The following LGR5 variants were observed in gnomAD, a reference collection of about 807,000 sequenced individuals.
LGR5 encodes leucine-rich repeat-containing G protein-coupled receptor 5.
LGR5 carries 54 observed loss-of-function variants against 76.7 expected under a neutral mutation model. The observed-to-expected ratio is 0.70, with a 90% confidence interval of 0.57 to 0.88. The LOEUF (loss-of-function observed/expected upper bound fraction) is 0.88. Among genes scored for constraint, LGR5 ranks in the 40% least tolerant of loss-of-function variants. LGR5 has a pLI of 0.00. For missense variants in LGR5, 1,078 were observed against 1,073.3 expected (o/e 1.00, Z -0.06); for synonymous variants, 406 against 421.9 (o/e 0.96, Z 0.46).
intron 1 of LGR5, among the ~76,000 whole-genome samples, chr12:71,441,306 A>G (rs1437003465): frequency 6.6e-6 from 1 of 152,202 alleles, no homozygotes; most frequent in Admixed American, 6.5e-5. Flanking sequence ...CGTGCAAAGC[A>G]TCTGGGGCTT....
intron 5 of LGR5, among the ~76,000 whole-genome samples, chr12:71,555,537 G>A (rs1055690572): frequency 1.3e-5 from 2 of 152,170 alleles, no homozygotes; most frequent in Admixed American, 1.3e-4. Flanking sequence ...CATTGCCTGT[G>A]ACTGAAATCA....
chr12:71,582,178 A>G (rs566044545), intron 16 of LGR5: 6 of 345,350 alleles, frequency 1.7e-5, no homozygotes, highest in Admixed American at 4.1e-5. Context: ...ATGTGGGGAC[A>G]TCATGAGCTG....
At chr12:71,576,893 C>T (rs1372125226) in intron 13 of LGR5, among the ~76,000 whole-genome samples, 1 of 152,100 alleles carries the variant, frequency 6.6e-6, no homozygotes, top group Non-Finnish European at 1.5e-5. Flanking sequence ...ACTCAATTAC[C>T]CAAAGCCCAG....
rs138009595 is a variant in LGR5 at position 71,484,964 on chromosome 12, C to A, written c.213-19650C>A. 1.6e-3 allele frequency among the ~76,000 whole-genome samples: 249 copies of A among 152,222 alleles called. 3 individuals are homozygous for A. In the East Asian group the frequency reaches 0.025, roughly 15 times the overall value. On this transcript the variant is annotated intron_variant, in intron 1 of 17. Transcript: ENST00000266674. ...ACCATTTAATACGTGACCAGTAGAA[C>A]CTAAGCCAGCTAGCTCTAAACATTT...
chr12:71,562,095 A>G (rs572381249), intron 8 of LGR5, among the ~76,000 whole-genome samples: 2 of 152,318 alleles, frequency 1.3e-5, no homozygotes, highest in Admixed American at 6.5e-5. Context: ...TCTTTAAAAT[A>G]ATCTTGTAAA....
Position 71,566,836 on chromosome 12 carries a change from A to T in LGR5, c.999-5A>T. On this transcript the variant is annotated splice_region_variant and splice_polypyrimidine_tract_variant and intron_variant, in intron 10 of 17. Coordinates refer to ENST00000266674, the MANE Select transcript of LGR5 (RefSeq NM_003667.4). The stretch of plus-strand genomic sequence containing the variant: ...AAGAATTATGTCTGGTTTGTGTTTT[A>T]ACAGGACTTTAACTGGAGCACAGAT... 1.2e-6 allele frequency: 2 copies of T among 1,613,020 alleles called. No individual in the cohort carries two copies. Among genetic ancestry groups the T allele is most frequent in the Non-Finnish European group, 1.7e-6 (2 of 1,179,002 alleles).
intron 1 of LGR5, among the ~76,000 whole-genome samples, chr12:71,445,557 G>A (rs1386581038): frequency 6.6e-6 from 1 of 152,156 alleles, no homozygotes; most frequent in Admixed American, 6.6e-5. Flanking sequence ...AGTCTATAAT[G>A]TGGAATTTTT....
chr12:71,522,164 G>A (rs1050026276), intron 2 of LGR5, among the ~76,000 whole-genome samples: 8 of 152,154 alleles, frequency 5.3e-5, no homozygotes, highest in Non-Finnish European at 1.0e-4. Flanking sequence ...GGGAATTCTC[G>A]GAAAAGAGTC....
chr12:71,548,188 GC>G (rs1158056700), intron 4 of LGR5, among the ~76,000 whole-genome samples: 1 of 152,102 alleles, frequency 6.6e-6, no homozygotes, highest in Non-Finnish European at 1.5e-5. Context: ...TGGCCAAGAT[GC>G]CAAGATCATT....
At chr12:71,508,240 A>C (rs1020514655) in intron 2 of LGR5, among the ~76,000 whole-genome samples, 25 of 152,074 alleles carry the variant, frequency 1.6e-4, no homozygotes, top group African/African-American at 3.6e-4. Context: ...AACAAACAAA[A>C]AAAATCACTA....
intron 2 of LGR5, among the ~76,000 whole-genome samples, chr12:71,512,774 G>A (rs562077728): frequency 1.4e-4 from 22 of 152,326 alleles, no homozygotes; most frequent in African/African-American, 5.3e-4. Context: ...GAGGCAAGAG[G>A]ATGCCCAGTT....
At chr12:71,549,848 T>C (rs1416662642) in intron 4 of LGR5, among the ~76,000 whole-genome samples, 2 of 152,176 alleles carry the variant, frequency 1.3e-5, no homozygotes, top group Admixed American at 6.5e-5. Flanking sequence ...GAGTGTTCGA[T>C]CTCTGAAGAA....
At chr12:71,564,560 G>A (rs1296844753) in intron 8 of LGR5, among the ~76,000 whole-genome samples, 5 of 81,572 alleles carry the variant, frequency 6.1e-5, no homozygotes, top group Admixed American at 2.6e-4. Context: ...CTGTACACAC[G>A]CACCGTGTAT....
At chr12:71,518,598 T>C (rs1016618951) in intron 2 of LGR5, among the ~76,000 whole-genome samples, 2 of 152,136 alleles carry the variant, frequency 1.3e-5, no homozygotes, top group South Asian at 4.1e-4. Context: ...GAAATCAACC[T>C]AAATCCCCAT....
At chr12:71,553,537 G>C (rs928048145) in intron 5 of LGR5, among the ~76,000 whole-genome samples, 1 of 152,134 alleles carries the variant, frequency 6.6e-6, no homozygotes, top group Non-Finnish European at 1.5e-5. Context: ...CTGTGCCTTA[G>C]AGAAGCCCCT....
intron 2 of LGR5, among the ~76,000 whole-genome samples, chr12:71,506,117 A>C (rs1261684216): frequency 6.6e-6 from 1 of 152,170 alleles, no homozygotes; most frequent in Non-Finnish European, 1.5e-5. Flanking sequence ...CAACATTTTT[A>C]AAGGTTATTT....
chr12:71,457,162 C>T lies in LGR5; in HGVS notation c.212+16870C>T, dbSNP rs147885800. On this transcript the variant is annotated intron_variant, in intron 1 of 17. Coordinates refer to ENST00000266674, the MANE Select transcript of LGR5 (RefSeq NM_003667.4). ...TAGCTAAGGGGTTACTAGTTCTTTT[C>T]GAACACAATGACTGAACTAAAGAAC... 6.6e-3 allele frequency among the ~76,000 whole-genome samples: 1,001 copies of T among 152,238 alleles called. 7 individuals carry two copies. Among genetic ancestry groups the T allele is most frequent in the Non-Finnish European group, 8.3e-3 (565 of 68,006 alleles).
intron 1 of LGR5, among the ~76,000 whole-genome samples, chr12:71,475,708 G>A (rs1263151623): frequency 6.6e-5 from 10 of 152,050 alleles, no homozygotes; most frequent in African/African-American, 2.4e-4. Flanking sequence ...GGGCCTCTTG[G>A]AACCCTAACA....
At chr12:71,539,555 G>A (rs551825405) in intron 4 of LGR5, among the ~76,000 whole-genome samples, 162 of 152,242 alleles carry the variant, frequency 1.1e-3, no homozygotes, top group Non-Finnish European at 1.4e-3. Flanking sequence ...TCAGCTCGCT[G>A]CAACCTCCAC....
Sources: gnomAD v4.1 joint callset for allele counts (sites outside exome capture counted in the v4.1 genomes callset) on GRCh38, gnomAD v4.1.1 for gene constraint, MANE v1.5 for transcripts, NCBI Gene and HGNC (gene_info 2026-07-23, HGNC 2026-07-21) for gene names.